LHCGR: variants seen among roughly 807,000 people sequenced by gnomAD.
LHCGR encodes the protein lutropin-choriogonadotropic hormone receptor.
In LHCGR, 55 loss-of-function variants were observed where a neutral mutation model predicts 60.7. The ratio of observed to expected loss-of-function variants is 0.91; its 90% CI spans 0.73 to 1.13. The LOEUF (loss-of-function observed/expected upper bound fraction) is 1.13, where lower values mean the gene tolerates loss of function less well. LHCGR is among the 50% of genes most tolerant of loss of function. The pLI, the probability that LHCGR is intolerant of heterozygous loss-of-function variation, is 0.00. For synonymous variants in LHCGR, 337 were observed against 316.5 expected, an observed-to-expected ratio of 1.06 and a Z score of -0.69; for missense variants, 862 against 836.0, an observed-to-expected ratio of 1.03 and a Z score of -0.38.
intron 1 of LHCGR, among the ~76,000 whole-genome samples, chr2:48,740,463 C>A (rs926765022): frequency 1.9e-4 from 29 of 152,296 alleles, no homozygotes; most frequent in African/African-American, 7.0e-4. Context: ...TTGAAGAGAG[C>A]AGTGGTTCTC....
intron 10 of LHCGR, among the ~76,000 whole-genome samples, chr2:48,693,938 G>T (rs894531373): frequency 6.6e-6 from 1 of 152,174 alleles, no homozygotes. Flanking sequence ...AGCCTTTGGT[G>T]ACATCAACAT....
At chr2:48,696,591 C>CA (rs1667124866) in intron 9 of LHCGR, among the ~76,000 whole-genome samples, 2 of 151,860 alleles carry the variant, frequency 1.3e-5, no homozygotes, top group African/African-American at 4.8e-5. Context: ...TTAGTCAGGT[C>CA]AATAAATGAA....
At chr2:48,755,218 A>C (rs1670152213) in intron 1 of LHCGR, among the ~76,000 whole-genome samples, 1 of 151,694 alleles carries the variant, frequency 6.6e-6, no homozygotes, top group Admixed American at 6.6e-5. Context: ...CCCTTCAAGC[A>C]GCGGCAGAGA....
intron 6 of LHCGR, among the ~76,000 whole-genome samples, chr2:48,722,633 C>G (rs916633585): frequency 2.0e-5 from 3 of 152,170 alleles, no homozygotes; most frequent in African/African-American, 7.2e-5. Flanking sequence ...GAGGTGCTGG[C>G]TCACCCTTCA....
At chr2:48,689,967 GC>G (rs1422063775) in intron 10 of LHCGR, among the ~76,000 whole-genome samples, 2 of 152,138 alleles carry the variant, frequency 1.3e-5, no homozygotes, top group Non-Finnish European at 2.9e-5. Flanking sequence ...GCCCGCCTCG[GC>G]CTCCAAAGTG....
intron 6 of LHCGR, among the ~76,000 whole-genome samples, chr2:48,722,650 A>G (rs949260242): frequency 1.3e-5 from 2 of 152,146 alleles, no homozygotes; most frequent in Non-Finnish European, 2.9e-5. Flanking sequence ...TTCACCTTCC[A>G]TCAGTATTGT....
At chr2:48,743,879 A>G (rs1349885127) in intron 1 of LHCGR, among the ~76,000 whole-genome samples, 1 of 151,816 alleles carries the variant, frequency 6.6e-6, no homozygotes, top group African/African-American at 2.4e-5. Context: ...AAGGGTATTC[A>G]ATTAGGAAAA....
chr2:48,701,468 CT>C (rs1289422312), intron 8 of LHCGR, among the ~76,000 whole-genome samples: 1 of 152,172 alleles, frequency 6.6e-6, no homozygotes, highest in Non-Finnish European at 1.5e-5. Context: ...TTTGCTTTTG[CT>C]GTTCCCCCTC....
intron 7 of LHCGR, among the ~76,000 whole-genome samples, chr2:48,712,202 G>A (rs1668026488): frequency 1.3e-5 from 2 of 151,892 alleles, no homozygotes; most frequent in Non-Finnish European, 2.9e-5. Flanking sequence ...CTCTCTCTGG[G>A]GAGGCTTCAT....
chr2:48,714,094 T>A (rs780848938), intron 6 of LHCGR, 40 bp from the exon 7 acceptor site: 5 of 1,432,858 alleles, frequency 3.5e-6, no homozygotes, highest in Non-Finnish European at 4.9e-6. Flanking sequence ...GGGAAGAAAC[T>A]GAAAGAAACA....
intron 7 of LHCGR, among the ~76,000 whole-genome samples, chr2:48,711,324 T>C (rs1336007184): frequency 2.0e-5 from 3 of 152,218 alleles, no homozygotes; most frequent in Non-Finnish European, 4.4e-5. Context: ...TTGTCTGTCT[T>C]TTCTGATAGA....
rs1293879367 is a variant in LHCGR at position 48,688,032 on chromosome 2, C to CA, written c.1764dup (p.Ala589CysfsTer17). 22 of 1,613,772 alleles carry CA rather than the reference C, an allele frequency of 1.4e-5. No homozygotes were observed. Among genetic ancestry groups the CA allele is most frequent in the Non-Finnish European group, 1.8e-5 (21 of 1,179,892 alleles). The stretch of plus-strand genomic sequence containing the variant: ...GGTACTTTGAAGGCAGCTGAGATGG[C>CA]AAAAAAAGAGATAGGTGCCATGCAG... On this transcript the variant is annotated frameshift_variant, in exon 11 of 11. Coordinates refer to ENST00000294954, the MANE Select transcript of LHCGR (RefSeq NM_000233.4). LOFTEE classifies it high-confidence loss of function. This position sits in a 1 kb window ranked among gnomAD's most constrained non-coding sequence, Gnocchi z 5.2.
intron 1 of LHCGR, among the ~76,000 whole-genome samples, chr2:48,754,958 C>T (rs1558912448): frequency 6.6e-6 from 1 of 151,958 alleles, no homozygotes; most frequent in East Asian, 2.0e-4. Context: ...GACTGAAGTT[C>T]AAGCACATCT....
chr2:48,732,974 ATCT>A (rs755873676), intron 1 of LHCGR: 4 of 532,458 alleles, frequency 7.5e-6, no homozygotes, highest in South Asian at 2.8e-5. Context: ...GTGGGAAGAA[ATCT>A]TCTTGTGATG....
At chr2:48,745,337 C>A (rs1669648786) in intron 1 of LHCGR, among the ~76,000 whole-genome samples, 1 of 152,166 alleles carries the variant, frequency 6.6e-6, no homozygotes, top group Non-Finnish European at 1.5e-5. Context: ...CTAGCCATCC[C>A]ATTACTGGGT....
chr2:48,707,144 C>T (rs557816581), intron 8 of LHCGR, among the ~76,000 whole-genome samples: 2 of 152,348 alleles, frequency 1.3e-5, no homozygotes, highest in South Asian at 4.1e-4. Flanking sequence ...TTCTAACAGT[C>T]AGGCCCGTCA....
At chr2:48,753,190 T>G (rs1315028572) in intron 1 of LHCGR, among the ~76,000 whole-genome samples, 2 of 152,258 alleles carry the variant, frequency 1.3e-5, no homozygotes, top group South Asian at 4.1e-4. Flanking sequence ...GGCTGAGGCC[T>G]GAGAATATGC....
At chr2:48,714,760 C>T (rs565532349) in intron 6 of LHCGR, among the ~76,000 whole-genome samples, 17 of 152,234 alleles carry the variant, frequency 1.1e-4, no homozygotes, top group African/African-American at 4.1e-4. Flanking sequence ...CACAAACACA[C>T]ACACATACAT....
chr2:48,705,246 T>G (rs947906859), intron 8 of LHCGR, among the ~76,000 whole-genome samples: 6 of 152,224 alleles, frequency 3.9e-5, no homozygotes, highest in African/African-American at 1.2e-4. Context: ...GGCACTGTGG[T>G]CTGAGAGACA....
Sources: gnomAD v4.1 joint callset for allele counts (sites outside exome capture counted in the v4.1 genomes callset) on GRCh38, gnomAD v4.1.1 for gene constraint, Gnocchi (gnomAD v3.1) non-coding constraint, MANE v1.5 for transcripts, NCBI Gene and HGNC (gene_info 2026-07-23, HGNC 2026-07-21) for gene names.